The following PDE11A variants were observed in gnomAD, a reference collection of about 807,000 sequenced individuals.
PDE11A encodes the protein phosphodiesterase 11A.
In PDE11A, 100 loss-of-function variants were observed where a neutral mutation model predicts 100.5. The ratio of observed to expected loss-of-function variants is 1.00; its 90% CI spans 0.85 to 1.18. The LOEUF is 1.18. PDE11A is among the 50% of genes most tolerant of loss of function. The probability of loss-of-function intolerance (pLI) is 0.00; values close to 1 mark genes in which losing one functional copy is unlikely to be tolerated. For missense variants in PDE11A, 1,141 were observed against 1,152.6 expected (o/e 0.99, Z 0.15); for synonymous variants, 381 against 420.8 (o/e 0.91, Z 1.16).
intron 2 of PDE11A, among the ~76,000 whole-genome samples, chr2:177,967,203 T>G (rs904652389): frequency 3.5e-5 from 5 of 143,862 alleles, no homozygotes; most frequent in Admixed American, 6.9e-5. Context: ...CCTTTGTCTT[T>G]TTTTTTTTTT....
At chr2:177,893,943 C>T (rs1333254459) in intron 4 of PDE11A, among the ~76,000 whole-genome samples, 7 of 152,100 alleles carry the variant, frequency 4.6e-5, no homozygotes, top group African/African-American at 1.7e-4. Flanking sequence ...TCTTCTAATA[C>T]AGTAGATTAG....
chr2:177,884,106 A>G (rs2084389095), intron 4 of PDE11A, among the ~76,000 whole-genome samples: 1 of 152,204 alleles, frequency 6.6e-6, no homozygotes, highest in African/African-American at 2.4e-5. Flanking sequence ...GACCAACCAT[A>G]GGTAGTTGGG....
At chr2:178,051,613 T>C (rs183992812) in intron 1 of PDE11A, among the ~76,000 whole-genome samples, 15 of 152,110 alleles carry the variant, frequency 9.9e-5, no homozygotes, top group African/African-American at 3.6e-4. Flanking sequence ...AGGAGACCTA[T>C]CTCATGTGCA....
At chr2:177,862,317 T>C (rs2083957875) in intron 5 of PDE11A, among the ~76,000 whole-genome samples, 1 of 151,812 alleles carries the variant, frequency 6.6e-6, no homozygotes, top group Non-Finnish European at 1.5e-5. Context: ...CATAACATTG[T>C]TAGCCATTAG....
chr2:177,661,378 T>C (rs2080483339), intron 19 of PDE11A, among the ~76,000 whole-genome samples: 1 of 152,222 alleles, frequency 6.6e-6, no homozygotes, highest in South Asian at 2.1e-4. Flanking sequence ...TCTCAGTGAA[T>C]GGTGTCACAT....
chr2:177,985,365 T>C (rs1479218195), intron 2 of PDE11A, among the ~76,000 whole-genome samples: 6 of 152,186 alleles, frequency 3.9e-5, no homozygotes, highest in African/African-American at 7.2e-5. Flanking sequence ...CTATACCTCA[T>C]TGAAGGATTG....
At chr2:177,801,379 G>A (rs187970524) in intron 9 of PDE11A, among the ~76,000 whole-genome samples, 6 of 152,122 alleles carry the variant, frequency 3.9e-5, no homozygotes, top group Admixed American at 1.3e-4. Flanking sequence ...CTGAGTCCTC[G>A]GTATGGAGAA....
At chr2:177,677,696 G>C (rs746333349) in intron 16 of PDE11A, among the ~76,000 whole-genome samples, 42 of 152,298 alleles carry the variant, frequency 2.8e-4, no homozygotes, top group Middle Eastern at 3.4e-3. Flanking sequence ...GAGGCACAGG[G>C]ATGGAAGATT....
At chr2:177,731,393 A>C (rs2081687333) in intron 10 of PDE11A, among the ~76,000 whole-genome samples, 2 of 152,200 alleles carry the variant, frequency 1.3e-5, no homozygotes, top group Non-Finnish European at 2.9e-5. Context: ...GGAAGCCACC[A>C]AATATCAGTG....
Position 177,847,895 on chromosome 2 carries a change from A to C in PDE11A, c.1368-7512T>G, listed in dbSNP as rs145564955. 2.0e-5 allele frequency among the ~76,000 whole-genome samples: 3 copies of C among 152,278 alleles called. No homozygotes were observed. The East Asian group carries it at 5.8e-4, about 29-fold the overall frequency. On this transcript the variant is annotated intron_variant, in intron 5 of 19. Coordinates refer to ENST00000286063, the MANE Select transcript of PDE11A (RefSeq NM_016953.4). ...GGGCTGGGATGCCCATTCACATTAG[A>C]CGAGTACTCATGTACCAACTCATTC...
intron 10 of PDE11A, 92 bp from the exon 11 acceptor site, chr2:177,728,264 A>G: frequency 8.9e-7 from 1 of 1,126,946 alleles, no homozygotes; most frequent in Non-Finnish European, 1.3e-6. Flanking sequence ...GAAGTGCCAC[A>G]TAAATCAGGC....
At chr2:177,970,515 C>A (rs1358938204) in intron 2 of PDE11A, among the ~76,000 whole-genome samples, 1 of 151,792 alleles carries the variant, frequency 6.6e-6, no homozygotes, top group Non-Finnish European at 1.5e-5. Flanking sequence ...ACAGAAAACT[C>A]AAGAGAATGA....
intron 10 of PDE11A, among the ~76,000 whole-genome samples, chr2:177,753,810 T>C (rs982635359): frequency 1.3e-5 from 2 of 151,328 alleles, no homozygotes; most frequent in Admixed American, 1.3e-4. Context: ...ATGCATCCTA[T>C]GACACTGCAG....
chr2:177,888,932 G>C (rs2084484283), intron 4 of PDE11A, among the ~76,000 whole-genome samples: 1 of 152,188 alleles, frequency 6.6e-6, no homozygotes, highest in African/African-American at 2.4e-5. Context: ...GTTTACATTT[G>C]TATCTACAAG....
At chr2:178,083,087 A>G (rs1229797165) in intron 2 of PDE11A, among the ~76,000 whole-genome samples, 2 of 150,536 alleles carry the variant, frequency 1.3e-5, no homozygotes, top group African/African-American at 4.9e-5. Flanking sequence ...AACAGAACTC[A>G]GTAAAACTAA....
chr2:177,957,870 C>G (rs1003242426), intron 2 of PDE11A, among the ~76,000 whole-genome samples: 20 of 146,430 alleles, frequency 1.4e-4, no homozygotes, highest in Non-Finnish European at 1.0e-4. Flanking sequence ...TGAAGACCAC[C>G]TATACATTGC....
chr2:177,931,635 A>G (rs1020545982), intron 2 of PDE11A, among the ~76,000 whole-genome samples: 1 of 152,156 alleles, frequency 6.6e-6, no homozygotes, highest in Admixed American at 6.5e-5. Flanking sequence ...CAAATCTCTG[A>G]GATGCAGCAT....
intron 1 of PDE11A, among the ~76,000 whole-genome samples, chr2:178,057,752 G>C (rs1488485313): frequency 6.6e-6 from 1 of 152,144 alleles, no homozygotes; most frequent in Admixed American, 6.5e-5. Flanking sequence ...TCACAGCCTG[G>C]AGCATGATAG....
intron 6 of PDE11A, among the ~76,000 whole-genome samples, chr2:177,830,861 T>C (rs893965810): frequency 2.6e-5 from 4 of 152,000 alleles, no homozygotes; most frequent in African/African-American, 9.7e-5. Flanking sequence ...AATATTATAT[T>C]GAGTAGGTCT....
Sources: allele counts gnomAD v4.1 joint callset (sites outside exome capture counted in the v4.1 genomes callset), GRCh38; gene constraint gnomAD v4.1.1; transcripts MANE v1.5; gene names NCBI Gene and HGNC (gene_info 2026-07-23, HGNC 2026-07-21).